BTG4: variants seen among roughly 807,000 people sequenced by gnomAD.
BTG4 encodes the protein BTG anti-proliferation factor 4, also known as protein BTG4.
Under a neutral mutation model 19.3 loss-of-function variants are expected in BTG4, and 10 were observed. The observed-to-expected ratio is 0.52, with a 90% CI of 0.32 to 0.88. The LOEUF (loss-of-function observed/expected upper bound fraction) is 0.88, where lower values mean the gene tolerates loss of function less well. Among genes scored for constraint, BTG4 ranks in the 40% least tolerant of loss-of-function variants. The pLI is 0.04. For synonymous variants in BTG4, 91 were observed against 95.7 expected, an observed-to-expected ratio of 0.95 and a Z score of 0.29; for missense variants, 238 against 281.9, an observed-to-expected ratio of 0.84 and a Z score of 1.11.
At chr11:111,450,324 C>T in the BTG4 span, 1 of 152,656 alleles carries the variant, frequency 6.6e-6, no homozygotes, top group Non-Finnish European at 1.5e-5. Context: ...CTGACACTGC[C>T]TCTTTTCGTT....
the BTG4 span, among the ~76,000 whole-genome samples, chr11:111,406,194 G>A: frequency 6.6e-6 from 1 of 152,188 alleles, no homozygotes; most frequent in Non-Finnish European, 1.5e-5. Flanking sequence ...TAGAGACAGA[G>A]TCTCTAAACT....
chr11:111,495,405 T>C (rs1249878173), intron 4 of BTG4, 91 bp from the exon 5 acceptor site: 4 of 1,118,382 alleles, frequency 3.6e-6, no homozygotes, highest in Non-Finnish European at 5.2e-6. Flanking sequence ...TTCAAAAGCA[T>C]AGGGAGCACA....
the BTG4 span, among the ~76,000 whole-genome samples, chr11:111,423,795 T>C: frequency 1.9e-4 from 29 of 152,190 alleles, no homozygotes; most frequent in East Asian, 4.1e-3. Context: ...GGATGAAAAC[T>C]CAGCTCCTTA....
At chr11:111,479,161 A>G (rs1455259609) in intron 5 of BTG4, among the ~76,000 whole-genome samples, 1 of 152,156 alleles carries the variant, frequency 6.6e-6, no homozygotes, top group Admixed American at 6.6e-5. Context: ...AACTGGAATG[A>G]CAGCAACCTT....
At chr11:111,446,654 CAT>C in the BTG4 span, among the ~76,000 whole-genome samples, 1 of 151,682 alleles carries the variant, frequency 6.6e-6, no homozygotes. Context: ...CACACACACA[CAT>C]CCTCCCCTGC....
downstream of BTG4, among the ~76,000 whole-genome samples, chr11:111,467,107 T>TA (rs1173776710): frequency 1.3e-5 from 2 of 152,234 alleles, no homozygotes; most frequent in Non-Finnish European, 2.9e-5. Context: ...TAGAATGAAT[T>TA]AGTCACTTTC....
intron 5 of BTG4, among the ~76,000 whole-genome samples, chr11:111,477,817 G>T (rs940101635): frequency 5.9e-5 from 9 of 152,050 alleles, no homozygotes; most frequent in African/African-American, 1.7e-4. Context: ...CAGCAAAAAA[G>T]AAAACTTTAA....
the BTG4 span, among the ~76,000 whole-genome samples, chr11:111,395,111 C>A: frequency 6.6e-6 from 1 of 152,246 alleles, no homozygotes; most frequent in Admixed American, 6.5e-5. Flanking sequence ...TCCTCATCCA[C>A]AACCAGGAAG....
chr11:111,497,603 GA>G (rs759015119), intron 3 of BTG4, among the ~76,000 whole-genome samples, 194 bp from the exon 4 acceptor site: 35 of 152,162 alleles, frequency 2.3e-4, no homozygotes, highest in East Asian at 2.1e-3. Context: ...TAATTGTTCA[GA>G]AAAAAACAAA....
At chr11:111,456,740 G>A in the BTG4 span, 1 of 323,004 alleles carries the variant, frequency 3.1e-6, no homozygotes, top group South Asian at 2.4e-5. This position sits in a 1 kb window ranked among gnomAD's most constrained non-coding sequence, Gnocchi z 4.2. Context: ...ACCAATGCCG[G>A]TGAGCCCCTG....
At chr11:111,457,039 A>C in the BTG4 span, 1 of 153,972 alleles carries the variant, frequency 6.5e-6, no homozygotes, top group Non-Finnish European at 1.5e-5. Context: ...AAAGGGTACC[A>C]ACAGCTCCCT....
the BTG4 span, among the ~76,000 whole-genome samples, chr11:111,434,597 CT>C: frequency 6.7e-6 from 1 of 149,686 alleles, no homozygotes; most frequent in Admixed American, 6.6e-5. Flanking sequence ...AGCCACTATA[CT>C]TTAAAAAAAA....
chr11:111,503,839 T>G (rs572892850), intron 1 of BTG4, among the ~76,000 whole-genome samples: 2 of 152,154 alleles, frequency 1.3e-5, no homozygotes, highest in African/African-American at 4.8e-5. Context: ...GGCTAAGGAA[T>G]AGTCAAGCCC....
At chr11:111,513,100 G>A (rs1591550372), upstream of BTG4, 1 of 428,722 alleles carries the variant, frequency 2.3e-6, no homozygotes, top group Non-Finnish European at 5.0e-6. Flanking sequence ...CCTGAGAAGC[G>A]CGGCGTCGGC....
chr11:111,432,075 A>G, the BTG4 span, among the ~76,000 whole-genome samples: 3 of 152,222 alleles, frequency 2.0e-5, no homozygotes, highest in Admixed American at 2.0e-4. Flanking sequence ...AGTACCTACT[A>G]TTGATTCCTT....
chr11:111,404,607 A>G, the BTG4 span: 1 of 456,232 alleles, frequency 2.2e-6, no homozygotes, highest in Non-Finnish European at 4.4e-6. Context: ...CAGACCCCAC[A>G]TTGACTTACC....
upstream of BTG4, chr11:111,513,553 A>G (rs575269834): frequency 2.0e-6 from 1 of 505,174 alleles, no homozygotes; most frequent in Non-Finnish European, 4.2e-6. Context: ...TGCATCATCA[A>G]TGTGCGTGGG....
chr11:111,495,125 A>G lies in BTG4; in HGVS notation c.*10T>C, dbSNP rs761044453. 6.6e-7 allele frequency: 1 copy of G among 1,519,476 alleles called. No individual in the cohort carries two copies. The highest frequency in any genetic ancestry group is 2.4e-5 in the East Asian group (1 of 42,198). The allele number at this position is 1,519,476 out of a possible 1,614,324, so 94.1% of individuals were successfully genotyped here. A position where few individuals can be genotyped will look rare whatever the true frequency, so the allele number is the denominator to read the frequency against. On this transcript the variant is annotated 3_prime_UTR_variant, in exon 5 of 5. Coordinates refer to ENST00000692032, the MANE Select transcript of BTG4 (RefSeq NM_001367975.1). ...CTGAGCTCTTGCCCACCACGTGCCC[A>G]GTCGCTGCGTCATCGGTGTGTGTTG...
the BTG4 span, among the ~76,000 whole-genome samples, chr11:111,435,486 CA>C: frequency 6.6e-6 from 1 of 152,254 alleles, no homozygotes; most frequent in African/African-American, 2.4e-5. Context: ...ACCACGAAAG[CA>C]TACCGCTCAG....
Sources: gnomAD v4.1 joint callset for allele counts (sites outside exome capture counted in the v4.1 genomes callset) on GRCh38, gnomAD v4.1.1 for gene constraint, Gnocchi (gnomAD v3.1) non-coding constraint, MANE v1.5 for transcripts, NCBI Gene and HGNC (gene_info 2026-07-23, HGNC 2026-07-21) for gene names.